Variants in KTN1 observed in about 807,000 individuals in gnomAD.
KTN1 encodes the protein kinectin 1.
KTN1 carries 130 observed loss-of-function variants against 222.5 expected under a neutral mutation model. That is an observed-to-expected ratio of 0.58 (90% CI 0.51 to 0.68). KTN1 has a LOEUF of 0.68. KTN1 is among the 30% of genes least tolerant of loss of function. The pLI, the probability that KTN1 is intolerant of heterozygous loss-of-function variation, is 0.00. For synonymous variants in KTN1, 512 were observed against 496.3 expected (o/e 1.03, Z -0.42); for missense variants, 1,508 against 1,500.4 (o/e 1.01, Z -0.08).
At chr14:55,607,449 A>C (rs933458212) in intron 1 of KTN1, 1 of 152,196 alleles carries the variant, frequency 6.6e-6, no homozygotes, top group Non-Finnish European at 1.5e-5. Context: ...TGGAGATTAT[A>C]TGTAAAACTT....
rs535332433 is a variant in KTN1 at position 55,649,132 on chromosome 14, G to T, written c.2367+262G>T. 3.3e-5 allele frequency among the ~76,000 whole-genome samples: 5 copies of T among 152,054 alleles called. No homozygotes were observed. In the South Asian group the frequency reaches 1.0e-3, roughly 32 times the overall value. On this transcript the variant is annotated intron_variant, in intron 21 of 43. Coordinates refer to ENST00000395314, the MANE Select transcript of KTN1 (RefSeq NM_001079521.2). ...TGTAGAGATAGGGTCTCGACATGTT[G>T]TCCAGACTGGTCACAAACTCCTGGC...
At chr14:55,581,914 T>C (rs2031754054) in intron 1 of KTN1, among the ~76,000 whole-genome samples, 1 of 148,762 alleles carries the variant, frequency 6.7e-6, no homozygotes, top group South Asian at 2.2e-4. Flanking sequence ...TCCTTTTTCC[T>C]TTTTTTTTAG....
At chr14:55,600,061 G>T (rs985199949) in intron 1 of KTN1, among the ~76,000 whole-genome samples, 9 of 150,892 alleles carry the variant, frequency 6.0e-5, no homozygotes, top group African/African-American at 2.2e-4. Flanking sequence ...GATAGTATTT[G>T]ATGTTCTAAT....
chr14:55,657,967 G>A (rs1436898676), intron 29 of KTN1, among the ~76,000 whole-genome samples: 1 of 151,496 alleles, frequency 6.6e-6, no homozygotes, highest in Non-Finnish European at 1.5e-5. Context: ...CTTTTTGTTT[G>A]TTTGTTTGTT....
chr14:55,633,364 T>A, intron 8 of KTN1, 23 bp downstream of exon 8: 1 of 1,328,562 alleles, frequency 7.5e-7, no homozygotes. Flanking sequence ...ATACCTTATT[T>A]TTTAATTGAA....
chr14:55,666,218 T>C (rs1174297453), intron 33 of KTN1, among the ~76,000 whole-genome samples: 1 of 151,962 alleles, frequency 6.6e-6, no homozygotes. Flanking sequence ...TGTGTAAATT[T>C]TCATGTGATT....
At chr14:55,598,417 AG>A (rs1324463865) in intron 1 of KTN1, among the ~76,000 whole-genome samples, 46 of 150,654 alleles carry the variant, frequency 3.1e-4, no homozygotes, top group African/African-American at 9.5e-4. Context: ...CCTCGGCGAC[AG>A]AGCGAGACTC....
chr14:55,619,830 C>T (rs1364627789), intron 5 of KTN1, among the ~76,000 whole-genome samples: 4 of 152,144 alleles, frequency 2.6e-5, no homozygotes, highest in African/African-American at 9.7e-5. Context: ...ACATTCCACT[C>T]CAGACCCTCC....
intron 20 of KTN1, 30 bp downstream of exon 20, chr14:55,648,145 G>GTGAT (rs2042581981): frequency 8.3e-7 from 1 of 1,198,292 alleles, no homozygotes; most frequent in Admixed American, 2.2e-5. Context: ...TGTTTTCCTT[G>GTGAT]TGATTATTCA....
intron 1 of KTN1, among the ~76,000 whole-genome samples, chr14:55,584,353 C>T (rs1356148874): frequency 6.6e-6 from 1 of 152,150 alleles, no homozygotes; most frequent in East Asian, 1.9e-4. Context: ...AAAGCTCTGC[C>T]CTGATAGAAG....
chr14:55,653,102 T>G lies in KTN1; in HGVS notation c.2763+17T>G. 1 of 1,448,332 alleles carries G rather than the reference T, an allele frequency of 6.9e-7. No individual in the cohort carries two copies. The highest frequency in any genetic ancestry group is 9.6e-7 in the Non-Finnish European group (1 of 1,036,370). The allele number at this position is 1,448,332 out of a possible 1,614,324, so 89.7% of individuals were successfully genotyped here. On this transcript the variant is annotated intron_variant, in intron 27 of 43. Coordinates refer to ENST00000395314, the MANE Select transcript of KTN1 (RefSeq NM_001079521.2). ...TTGAAAGAGGTATAGTATAAACAAA[T>G]TACCAACATGTTACATAAGGAATGA...
At chr14:55,588,216 A>G (rs976037715) in intron 1 of KTN1, among the ~76,000 whole-genome samples, 1 of 152,242 alleles carries the variant, frequency 6.6e-6, no homozygotes, top group African/African-American at 2.4e-5. Context: ...TAAAGAAAAG[A>G]AAATGCTACT....
At chr14:55,683,615 G>A (rs2046549860) in intron 43 of KTN1, 1 of 151,340 alleles carries the variant, frequency 6.6e-6, no homozygotes, top group Admixed American at 6.6e-5. Flanking sequence ...TTAACATGTT[G>A]TGTTTTGTTA....
At chr14:55,667,869 A>G (rs781203803) in intron 34 of KTN1, 1 of 151,592 alleles carries the variant, frequency 6.6e-6, no homozygotes, top group Non-Finnish European at 1.5e-5. Context: ...AAGTCAGTGA[A>G]TGTGCATGTG....
Position 55,580,793 on chromosome 14 carries a change from G to T in KTN1, c.-31+439G>T, listed in dbSNP as rs2031296481. ...ATTACCGCCTCCTCGGCCGGTGGAC[G>T]GAGGCAGCGCGTCTCCGGCGGCGTC... On this transcript the variant is annotated intron_variant, in intron 1 of 43. Coordinates refer to ENST00000395314, the MANE Select transcript of KTN1 (RefSeq NM_001079521.2). Among the ~76,000 whole-genome samples, 3 of 152,300 alleles carry T rather than the reference G, an allele frequency of 2.0e-5. No individual in the cohort carries two copies. The South Asian group carries it at 6.2e-4, about 32-fold the overall frequency.
chr14:55,641,804 A>C (rs2041832549), intron 18 of KTN1, 44 bp downstream of exon 18: 1 of 1,169,674 alleles, frequency 8.5e-7, no homozygotes, highest in Non-Finnish European at 1.3e-6. Flanking sequence ...CTTGTTATAT[A>C]ACAAGATCTG....
rs2043091721 is a variant in KTN1, at chr14:55,652,956, CAAT to C, written c.2694+19_2694+21del. ...GTGGTTACAGGTGAGAAATTAAAAA[CAAT>C]AAAAAATAGCCTTTTTATACTTGAC... On this transcript the variant is annotated intron_variant, in intron 26 of 43. Coordinates refer to ENST00000395314, the MANE Select transcript of KTN1 (RefSeq NM_001079521.2). 6.3e-7 allele frequency: 1 copy of C among 1,594,766 alleles called. No homozygotes were observed. Among genetic ancestry groups the C allele is most frequent in the Admixed American group, 1.7e-5 (1 of 58,914 alleles).
intron 1 of KTN1, among the ~76,000 whole-genome samples, chr14:55,593,447 A>C (rs8017463): frequency 0.025 from 1,941 of 77,148 alleles, 17 homozygotes; most frequent in African/African-American, 0.03. Flanking sequence ...CCCCCCCCCC[A>C]AAAAAAAAAA....
At position 55,653,146 on chromosome 14, in the gene KTN1, A is replaced by G. The variant is rs568724450; in HGVS notation, c.2763+61A>G. On this transcript the variant is annotated intron_variant, in intron 27 of 43. Transcript: ENST00000395314. The stretch of plus-strand genomic sequence containing the variant: ...GGAATGATAAATCTTTGTTTAAGGC[A>G]TTAGAAAGTAAAGATGTTAATATGT... 9 of 1,100,168 alleles carry G rather than the reference A, an allele frequency of 8.2e-6. No homozygotes were observed. In the East Asian group the frequency reaches 1.9e-4, roughly 23 times the overall value. 68.2% of individuals were successfully genotyped at this position (1,100,168 alleles called of 1,614,324 possible). A position where few individuals can be genotyped will look rare whatever the true frequency, so the allele number is the denominator to read the frequency against.
Sources: gnomAD v4.1 joint callset for allele counts (sites outside exome capture counted in the v4.1 genomes callset) on GRCh38, gnomAD v4.1.1 for gene constraint, MANE v1.5 for transcripts, NCBI Gene and HGNC (gene_info 2026-07-23, HGNC 2026-07-21) for gene names.